CLUAP1: variants seen among roughly 807,000 people sequenced by gnomAD.
CLUAP1 encodes the protein intraflagellar transport 38.
A neutral mutation model predicts 55.0 loss-of-function variants in CLUAP1; 50 were observed. The ratio of observed to expected loss-of-function variants is 0.91; its 90% CI spans 0.72 to 1.15. CLUAP1 has a LOEUF of 1.15. CLUAP1 is among the 50% of genes most tolerant of loss of function. CLUAP1 has a pLI of 0.00. For synonymous variants in CLUAP1, 195 were observed against 175.4 expected, an observed-to-expected ratio of 1.11 and a Z score of -0.88; for missense variants, 530 against 507.6, an observed-to-expected ratio of 1.04 and a Z score of -0.42.
chr16:3,526,561 A>C, intron 9 of CLUAP1, 77 bp downstream of exon 9: 2 of 802,780 alleles, frequency 2.5e-6, no homozygotes, highest in Non-Finnish European at 3.4e-6. Flanking sequence ...AGAGAGATAT[A>C]TATATATTTT....
chr16:3,528,331 TTCTC>T (rs2037988304), intron 9 of CLUAP1, among the ~76,000 whole-genome samples: 1 of 151,566 alleles, frequency 6.6e-6, no homozygotes, highest in African/African-American at 2.4e-5. Flanking sequence ...CTCTCTCTCT[TTCTC>T]TTTCTTTGCC....
At position 3,519,881 on chromosome 16, in the gene CLUAP1, C is replaced by G. The variant is rs748546628; in HGVS notation, c.580-22C>G. 8.3e-6 allele frequency: 13 copies of G among 1,571,960 alleles called. 1 individual carries two copies. In the South Asian group the frequency reaches 1.2e-4, roughly 15 times the overall value. ...GGCTGTTTTTATTGCCACCTTGTCT[C>G]ATTATTTCCCATTAAATATAGACAC... On this transcript the variant is annotated intron_variant, in intron 6 of 11. Transcript: ENST00000576634.
At chr16:3,532,522 C>G (rs1271964726) in intron 10 of CLUAP1, among the ~76,000 whole-genome samples, 6 of 145,356 alleles carry the variant, frequency 4.1e-5, no homozygotes, top group Admixed American at 1.4e-4. Flanking sequence ...TCAAGCGAGT[C>G]TCCTGCCTCA....
rs1203269188 is a variant in CLUAP1 at position 3,537,210 on chromosome 16, G to A, written c.*939G>A. Reference sequence around the variant, plus strand: ...CTACCTAAGTGTTTCTGTAGGGGAAGGAGCCAATTAAGAAAAAGTGTTGGT... The same window carrying A: ...CTACCTAAGTGTTTCTGTAGGGGAAAGAGCCAATTAAGAAAAAGTGTTGGT... On this transcript the variant is annotated 3_prime_UTR_variant, in exon 12 of 12. Coordinates refer to ENST00000576634, the MANE Select transcript of CLUAP1 (RefSeq NM_015041.3). 1.3e-5 allele frequency: 2 copies of A among 152,160 alleles called. No homozygotes were observed. Among genetic ancestry groups the A allele is most frequent in the African/African-American group, 2.4e-5 (1 of 41,422 alleles). The allele number at this position is 152,160 out of a possible 1,614,324, so 9.4% of individuals were successfully genotyped here.
chr16:3,514,038 A>G (rs542604289), intron 5 of CLUAP1, among the ~76,000 whole-genome samples: 1 of 152,166 alleles, frequency 6.6e-6, no homozygotes, highest in African/African-American at 2.4e-5. Context: ...GCAGAATGAA[A>G]CTGCCACTGA....
chr16:3,497,768 T>C (rs528596177), upstream of CLUAP1, among the ~76,000 whole-genome samples: 396 of 152,258 alleles, frequency 2.6e-3, 1 homozygote, highest in Admixed American at 5.8e-3. Context: ...GGACTACAGG[T>C]GTGCACCACC....
Position 3,532,786 on chromosome 16 carries a change from G to A in CLUAP1, c.1037G>A (p.Gly346Glu), listed in dbSNP as rs2038152061. ...TTCTTCATGCTTTTGTTGTTCTCAGGAAGACCTGGCAAACGCATTGTGGGC... is the reference window on the plus strand; with the variant it reads ...TTCTTCATGCTTTTGTTGTTCTCAGAAAGACCTGGCAAACGCATTGTGGGC... ...PQTAMEMLMQGRPGKRIVGTM... is the reference protein window; with the variant it reads ...PQTAMEMLMQERPGKRIVGTM... The change falls in exon 11 of 12, where the codon GGA becomes GAA. Residue 346 changes from glycine (G) to glutamate (E), a missense_variant and splice_region_variant. Gly to Glu is a moderately conservative substitution (Grantham distance 98, BLOSUM62 -2). Coordinates refer to ENST00000576634, the MANE Select transcript of CLUAP1 (RefSeq NM_015041.3). The A allele has an allele frequency of 5.0e-6, 8 of 1,613,942 alleles. No homozygotes were observed. Among genetic ancestry groups the A allele is most frequent in the Non-Finnish European group, 6.8e-6 (8 of 1,179,932 alleles).
At chr16:3,495,494 G>T in the CLUAP1 span, 2 of 1,570,990 alleles carry the variant, frequency 1.3e-6, no homozygotes, top group East Asian at 4.6e-5. Flanking sequence ...CTGCCTAGGG[G>T]GTACATTGGC....
At chr16:3,512,509 A>G (rs1396123690) in intron 5 of CLUAP1, 31 bp downstream of exon 5, 1 of 1,517,326 alleles carries the variant, frequency 6.6e-7, no homozygotes, top group Non-Finnish European at 9.1e-7. Flanking sequence ...TTAACCATGC[A>G]GATTTTCTCT....
chr16:3,500,901 C>G (rs1018029568), upstream of CLUAP1: 10 of 718,024 alleles, frequency 1.4e-5, no homozygotes, highest in Middle Eastern at 7.6e-4. Flanking sequence ...GGCCCGCTCT[C>G]CCCGTGCGTA....
intron 3 of CLUAP1, 28 bp from the exon 4 acceptor site, chr16:3,508,261 A>C (rs2037546717): frequency 6.7e-7 from 1 of 1,496,300 alleles, no homozygotes; most frequent in African/African-American, 1.4e-5. Context: ...AGGGCCTTCA[A>C]CTTTTTTTTT....
chr16:3,529,667 TTATTA>T (rs2038050590), intron 9 of CLUAP1, among the ~76,000 whole-genome samples: 2 of 12,164 alleles, frequency 1.6e-4, no homozygotes, highest in Non-Finnish European at 2.1e-4. Context: ...ATATTATATA[TTATTA>T]TATATTATAT....
chr16:3,504,295 C>T (rs1328220184), intron 1 of CLUAP1, among the ~76,000 whole-genome samples: 1 of 152,198 alleles, frequency 6.6e-6, no homozygotes, highest in Admixed American at 6.5e-5. Flanking sequence ...GGATTCCCCT[C>T]AGAAATAACC....
In CLUAP1 at chr16:3,536,500, C is replaced by T. The variant is rs564495457; in HGVS notation, c.*229C>T. Reference sequence around the variant, plus strand: ...TATTTTTTTCCACCTTATTTATCTTCTAAAACTTGAGGAATGCATGTGTTC... The same window carrying T: ...TATTTTTTTCCACCTTATTTATCTTTTAAAACTTGAGGAATGCATGTGTTC... On this transcript the variant is annotated 3_prime_UTR_variant, in exon 12 of 12. Coordinates refer to ENST00000576634, the MANE Select transcript of CLUAP1 (RefSeq NM_015041.3). 5.5e-5 allele frequency: 25 copies of T among 451,534 alleles called. No homozygotes were observed. The highest frequency in any genetic ancestry group is 2.4e-4 in the Admixed American group (6 of 25,422). 28.0% of individuals were successfully genotyped at this position (451,534 alleles called of 1,614,324 possible). A position where few individuals can be genotyped will look rare whatever the true frequency, so the allele number is the denominator to read the frequency against.
chr16:3,519,238 C>G (rs1311120216), intron 6 of CLUAP1, among the ~76,000 whole-genome samples: 1 of 152,238 alleles, frequency 6.6e-6, no homozygotes, highest in Non-Finnish European at 1.5e-5. Flanking sequence ...CTCTGTTGCC[C>G]AAGGGCCTCT....
rs540829802 is a variant in CLUAP1 at position 3,509,081 on chromosome 16, A to G, written c.399+613A>G. ...AGACCAACCTGGGCAACATAGTGAG[A>G]CGCCATTTTTACCAAAAAAAAGAAA... On this transcript the variant is annotated intron_variant, in intron 4 of 11. Transcript: ENST00000576634. Among the ~76,000 whole-genome samples the G allele has an allele frequency of 2.0e-3, 310 of 152,088 alleles. 4 individuals carry two copies. The highest frequency in any genetic ancestry group is 6.7e-3 in the African/African-American group (279 of 41,466).
rs1298537825 is a variant in CLUAP1, at chr16:3,506,429, T to TA, written c.219+15dup. ...GCCCAGTTCATGGTTAGTGGACACT[T>TA]ATTTTGTGGAGTTGTAAAATTAAAT... On this transcript the variant is annotated intron_variant, in intron 3 of 11. Transcript: ENST00000576634. 2.5e-6 allele frequency: 4 copies of TA among 1,593,384 alleles called. No individual in the cohort carries two copies. In the Admixed American group the frequency reaches 6.7e-5, roughly 27 times the overall value.
rs572735320 is a variant in CLUAP1 at position 3,530,433 on chromosome 16, GGATTTA to G, written c.929-134_929-129del. On this transcript the variant is annotated intron_variant, in intron 9 of 11. Coordinates refer to ENST00000576634, the MANE Select transcript of CLUAP1 (RefSeq NM_015041.3). ...ATTTGATTTGCATTGCATGGGATAA[GGATTTA>G]ATGTCTTAATTTCCTGGATAGAATA... 7.0e-4 allele frequency: 470 copies of G among 672,594 alleles called. 4 individuals are homozygous for G. Among genetic ancestry groups the G allele is most frequent in the South Asian group, 5.6e-3 (333 of 59,742 alleles). 41.7% of individuals were successfully genotyped at this position (672,594 alleles called of 1,614,324 possible). A position where few individuals can be genotyped will look rare whatever the true frequency, so the allele number is the denominator to read the frequency against.
chr16:3,516,471 G>C (rs1397669277), intron 6 of CLUAP1, among the ~76,000 whole-genome samples: 1 of 152,198 alleles, frequency 6.6e-6, no homozygotes, highest in African/African-American at 2.4e-5. Flanking sequence ...ATTGGTGACA[G>C]ATAGGCAGAT....
Sources: allele counts gnomAD v4.1 joint callset (sites outside exome capture counted in the v4.1 genomes callset), GRCh38; gene constraint gnomAD v4.1.1; transcripts MANE v1.5; gene names NCBI Gene and HGNC (gene_info 2026-07-23, HGNC 2026-07-21).